The following SAMSN1 variants were observed in gnomAD, a reference collection of about 807,000 sequenced individuals.
SAMSN1 encodes SAM domain-containing protein SAMSN-1.
In SAMSN1, 31 loss-of-function variants were observed where a neutral mutation model predicts 42.0. That is an observed-to-expected ratio of 0.74 (90% CI 0.55 to 1.00). The LOEUF is 1.00. SAMSN1 is among the 50% of genes least tolerant of loss of function. The probability of loss-of-function intolerance (pLI) is 0.00; values close to 1 mark genes in which losing one functional copy is unlikely to be tolerated. For missense variants in SAMSN1, 464 were observed against 439.4 expected, an observed-to-expected ratio of 1.06 and a Z score of -0.50; for synonymous variants, 178 against 151.9, an observed-to-expected ratio of 1.17 and a Z score of -1.26.
At chr21:14,498,042 T>C (rs1334346404) in intron 7 of SAMSN1, among the ~76,000 whole-genome samples, 1 of 152,212 alleles carries the variant, frequency 6.6e-6, no homozygotes, top group African/African-American at 2.4e-5. Flanking sequence ...CTGTGTGCCA[T>C]GAAGGCTCAT....
At chr21:14,493,610 C>CAT (rs1986788057) in intron 7 of SAMSN1, among the ~76,000 whole-genome samples, 1 of 149,936 alleles carries the variant, frequency 6.7e-6, no homozygotes, top group Non-Finnish European at 1.5e-5. Flanking sequence ...CACACACACA[C>CAT]ACATATTTTC....
upstream of SAMSN1, among the ~76,000 whole-genome samples, chr21:14,583,999 A>ATTTTTTTT (rs34155133): frequency 6.7e-6 from 1 of 149,122 alleles, no homozygotes. Flanking sequence ...TGGTTTTACC[A>ATTTTTTTT]TTTTTTTTTT....
chr21:14,611,127 AT>A (rs1293600520), intron 4 of SAMSN1, among the ~76,000 whole-genome samples: 15 of 151,840 alleles, frequency 9.9e-5, no homozygotes, highest in South Asian at 2.1e-4. Context: ...GTCATAGTCA[AT>A]TGTTTTTATG....
At chr21:14,601,085 A>G (rs1318875651) in intron 6 of SAMSN1, among the ~76,000 whole-genome samples, 1 of 152,220 alleles carries the variant, frequency 6.6e-6, no homozygotes, top group Non-Finnish European at 1.5e-5. Flanking sequence ...AGTAAATTGC[A>G]CAATGCCACA....
chr21:14,542,642 AG>A (rs1371078646), intron 1 of SAMSN1, among the ~76,000 whole-genome samples: 1 of 152,206 alleles, frequency 6.6e-6, no homozygotes, highest in Non-Finnish European at 1.5e-5. Flanking sequence ...ACTAGTAGTA[AG>A]AGGTAAAACA....
At chr21:14,607,218 A>G (rs1193580085) in intron 5 of SAMSN1, among the ~76,000 whole-genome samples, 1 of 152,194 alleles carries the variant, frequency 6.6e-6, no homozygotes, top group Non-Finnish European at 1.5e-5. Context: ...CAGACTGCCT[A>G]TCCTCAGGCA....
In SAMSN1 at chr21:14,539,923, T is replaced by C. The variant is rs944831562; in HGVS notation, c.57+6282A>G. Among the ~76,000 whole-genome samples the C allele has an allele frequency of 2.2e-4, 34 of 152,262 alleles. 5 individuals are homozygous for C. Among genetic ancestry groups the C allele is most frequent in the Admixed American group, 1.2e-3 (19 of 15,292 alleles). On this transcript the variant is annotated intron_variant, in intron 1 of 7. Coordinates refer to ENST00000400566, the MANE Select transcript of SAMSN1 (RefSeq NM_022136.5). Reference sequence around the variant, plus strand: ...ACAAGACTACAGTAACAAAACAGCATGGTATTGGTACCAAAACAGAGATAT... The same window carrying C: ...ACAAGACTACAGTAACAAAACAGCACGGTATTGGTACCAAAACAGAGATAT...
At chr21:14,589,444 T>C (rs73170042) in intron 7 of SAMSN1, among the ~76,000 whole-genome samples, 105 of 152,116 alleles carry the variant, frequency 6.9e-4, no homozygotes, top group Non-Finnish European at 1.3e-3. Flanking sequence ...GGGAATTTAT[T>C]TGGAGGTTAA....
chr21:14,490,652 A>G (rs554063146), intron 7 of SAMSN1, among the ~76,000 whole-genome samples: 2 of 152,302 alleles, frequency 1.3e-5, no homozygotes, highest in South Asian at 2.1e-4. Context: ...ATTTCACTTG[A>G]ATACTAACCC....
Position 14,645,421 on chromosome 21 carries a change from G to T in SAMSN1, c.25-2288C>A, listed in dbSNP as rs116983979. Reference sequence around the variant, plus strand: ...TATCTGGTCGAAAACCATCAATGAGGTACTTTGAGTCTGCAAGAACCACAG... The same window carrying T: ...TATCTGGTCGAAAACCATCAATGAGTTACTTTGAGTCTGCAAGAACCACAG... On this transcript the variant is annotated intron_variant, in intron 1 of 15. Transcript: ENST00000647101. 4.6e-3 allele frequency among the ~76,000 whole-genome samples: 694 copies of T among 152,342 alleles called. 2 individuals carry two copies. The highest frequency in any genetic ancestry group is 8.1e-3 in the Non-Finnish European group (551 of 68,032).
At chr21:14,596,708 A>G (rs995317819) in intron 6 of SAMSN1, among the ~76,000 whole-genome samples, 1 of 152,118 alleles carries the variant, frequency 6.6e-6, no homozygotes, top group African/African-American at 2.4e-5. Context: ...CCTGCAGTCA[A>G]TTCCCATAAA....
chr21:14,597,620 T>A (rs372150852), intron 6 of SAMSN1, among the ~76,000 whole-genome samples: 1 of 152,314 alleles, frequency 6.6e-6, no homozygotes, highest in African/African-American at 2.4e-5. Context: ...GTATCAGAAA[T>A]GTATTCGGCT....
At chr21:14,557,719 G>A (rs1020988911) in intron 2 of SAMSN1, among the ~76,000 whole-genome samples, 1 of 152,194 alleles carries the variant, frequency 6.6e-6, no homozygotes, top group African/African-American at 2.4e-5. Flanking sequence ...CCATCACCAG[G>A]AAGGCTGGAA....
chr21:14,586,873 G>A (rs543423943), upstream of SAMSN1, among the ~76,000 whole-genome samples: 6 of 152,208 alleles, frequency 3.9e-5, no homozygotes, highest in Non-Finnish European at 7.3e-5. Flanking sequence ...GTAGCAGAGA[G>A]AAGAGAAGTC....
At chr21:14,633,176 GCTCT>G (rs141134431) in intron 2 of SAMSN1, among the ~76,000 whole-genome samples, 39 of 147,880 alleles carry the variant, frequency 2.6e-4, no homozygotes, top group Admixed American at 6.8e-4. Context: ...TCTAGATGTT[GCTCT>G]CTCTCTCTCT....
intron 3 of SAMSN1, among the ~76,000 whole-genome samples, chr21:14,514,828 G>A (rs1304428316): frequency 1.3e-5 from 2 of 152,284 alleles, no homozygotes; most frequent in Middle Eastern, 3.4e-3. Context: ...ACATCTAAAT[G>A]AAGATATCAA....
At chr21:14,559,019 A>C (rs1243911023) in intron 2 of SAMSN1, among the ~76,000 whole-genome samples, 1 of 152,146 alleles carries the variant, frequency 6.6e-6, no homozygotes, top group Non-Finnish European at 1.5e-5. Flanking sequence ...TCACCCATTG[A>C]AAGAAATTAT....
chr21:14,492,352 G>A (rs1377012110), intron 7 of SAMSN1, among the ~76,000 whole-genome samples: 1 of 152,168 alleles, frequency 6.6e-6, no homozygotes, highest in Admixed American at 6.5e-5. Context: ...TATGTGTGAG[G>A]TGGGATTGCA....
At chr21:14,639,155 G>A (rs1983536081) in intron 2 of SAMSN1, among the ~76,000 whole-genome samples, 2 of 152,226 alleles carry the variant, frequency 1.3e-5, no homozygotes, top group Admixed American at 6.5e-5. Flanking sequence ...CAGCAAGTCA[G>A]ATAATTCAGG....
Sources: allele counts gnomAD v4.1 joint callset (sites outside exome capture counted in the v4.1 genomes callset), GRCh38; gene constraint gnomAD v4.1.1; transcripts MANE v1.5; gene names NCBI Gene and HGNC (gene_info 2026-07-23, HGNC 2026-07-21).